Variants in CS observed in about 807,000 individuals in gnomAD.
The protein encoded by CS is citrate synthase.
A neutral mutation model predicts 61.4 loss-of-function variants in CS; 13 were observed. The observed-to-expected ratio is 0.21, with a 90% CI of 0.14 to 0.34. CS has a LOEUF of 0.34. Among genes scored for constraint, CS ranks in the 10% least tolerant of loss-of-function variants. The pLI is 1.00. For missense variants in CS, 278 were observed against 573.4 expected (o/e 0.48, Z 5.26); for synonymous variants, 159 against 215.2 (o/e 0.74, Z 2.29).
At chr12:56,298,997 ACAC>A (rs1873394168) in intron 1 of CS, among the ~76,000 whole-genome samples, 1 of 151,834 alleles carries the variant, frequency 6.6e-6, no homozygotes, top group Non-Finnish European at 1.5e-5. Context: ...AGCCTTGGTC[ACAC>A]CACAAGACTC....
chr12:56,294,079 G>A (rs1873219593), intron 1 of CS, among the ~76,000 whole-genome samples: 1 of 152,196 alleles, frequency 6.6e-6, no homozygotes, highest in African/African-American at 2.4e-5. Flanking sequence ...AAAAGCCTGA[G>A]CAATCTACAG....
At chr12:56,289,261 CATGTTA>C (rs1873038633) in intron 1 of CS, among the ~76,000 whole-genome samples, 2 of 152,082 alleles carry the variant, frequency 1.3e-5, no homozygotes, top group South Asian at 4.1e-4. Context: ...GCAAAGAAAA[CATGTTA>C]ATAAGTTCAA....
chr12:56,276,296 G>A, intron 6 of CS, 101 bp from the exon 7 acceptor site: 6 of 1,070,850 alleles, frequency 5.6e-6, no homozygotes, highest in Non-Finnish European at 8.4e-6. Context: ...GGCTATTTGG[G>A]TTGATGGTTA....
intron 9 of CS, 43 bp downstream of exon 9, chr12:56,274,734 T>C (rs757047502): frequency 8.5e-6 from 12 of 1,415,978 alleles, no homozygotes; most frequent in Non-Finnish European, 1.1e-5. Flanking sequence ...TTGCAGAACT[T>C]GTGTCTTGGT....
rs1872548501 is a variant in CS, at chr12:56,272,881, C to T, written c.*203G>A. On this transcript the variant is annotated 3_prime_UTR_variant, in exon 11 of 11. Transcript: ENST00000351328. ...CATGCGTATGATGGGCAACTCATAC[C>T]AGGCAGGGGAAGGGAGCTGATTAGG... 2 of 525,212 alleles carry T rather than the reference C, an allele frequency of 3.8e-6. No homozygotes were observed. Among genetic ancestry groups the T allele is most frequent in the Non-Finnish European group, 6.7e-6 (2 of 296,428 alleles). 32.5% of individuals were successfully genotyped at this position (525,212 alleles called of 1,614,324 possible).
chr12:56,283,134 G>T, intron 4 of CS, 143 bp from the exon 5 acceptor site: 1 of 945,880 alleles, frequency 1.1e-6, no homozygotes, highest in Non-Finnish European at 1.6e-6. Context: ...GTCTTGCTAT[G>T]TTGCTCAGAC....
In CS at chr12:56,300,206, G is replaced by A. The variant is rs954659226; in HGVS notation, c.-5C>T. The A allele has an allele frequency of 6.4e-6, 10 of 1,564,340 alleles. No individual in the cohort carries two copies. In the African/African-American group the frequency reaches 8.2e-5, roughly 13 times the overall value. On this transcript the variant is annotated 5_prime_UTR_variant, in exon 1 of 11. Transcript: ENST00000351328. The stretch of plus-strand genomic sequence containing the variant: ...GGCCGCAGTAAGTAAAGCCATGGCG[G>A]GCGATCTCCGGGATCTGGTGGGGAG...
chr12:56,275,554 G>C (rs946861027), intron 7 of CS: 5 of 193,114 alleles, frequency 2.6e-5, no homozygotes, highest in Non-Finnish European at 5.1e-5. Context: ...CCTGGCGACA[G>C]AGCAAGACTC....
intron 9 of CS, 145 bp from the exon 10 acceptor site, chr12:56,273,941 C>A: frequency 1.5e-6 from 1 of 669,476 alleles, no homozygotes; most frequent in Non-Finnish European, 2.6e-6. Context: ...TCAGGCAATT[C>A]TCCCACTTCA....
chr12:56,280,304 ACTC>A (rs1020489421), intron 6 of CS, among the ~76,000 whole-genome samples: 5 of 150,932 alleles, frequency 3.3e-5, no homozygotes, highest in African/African-American at 1.2e-4. Flanking sequence ...AATCCTAACT[ACTC>A]GGGAGGCTGA....
chr12:56,273,544 G>T (rs1255970134), intron 10 of CS, 43 bp downstream of exon 10: 2 of 1,583,120 alleles, frequency 1.3e-6, no homozygotes, highest in Non-Finnish European at 1.7e-6. Flanking sequence ...TAACAATAGG[G>T]TTTGGTACAA....
intron 3 of CS, 99 bp from the exon 4 acceptor site, chr12:56,283,956 G>A: frequency 1.2e-6 from 1 of 841,594 alleles, no homozygotes; most frequent in South Asian, 1.5e-5. Context: ...GGATCTGGGA[G>A]AGAAAATTTA....
In CS at chr12:56,282,870, G is replaced by C. The variant is rs769504830; in HGVS notation, c.389C>G (p.Thr130Arg). ...ATCCTTCTGCTTTACCTGTTCCTCTGTTGGGATATGTCCAGTTACCAGCAG... is the reference window on the plus strand; with the variant it reads ...ATCCTTCTGCTTTACCTGTTCCTCTCTTGGGATATGTCCAGTTACCAGCAG... ...FWLLVTGHIP[T>R]EEQVSWLSKE... The change falls in exon 5 of 11, where the codon ACA becomes AGA. Residue 130 changes from threonine to arginine, a missense_variant. By Grantham distance (71) the Thr-to-Arg change is moderately conservative. This residue lies in a region of CS where 223 missense variants were observed against 503.5 expected (regional missense o/e 0.44). Coordinates refer to ENST00000351328, the MANE Select transcript of CS (RefSeq NM_004077.3). The C allele has an allele frequency of 6.2e-7, 1 of 1,614,206 alleles. No individual in the cohort carries two copies. The highest frequency in any genetic ancestry group is 8.5e-7 in the Non-Finnish European group (1 of 1,180,046).
chr12:56,280,301 A>C (rs749600541), intron 6 of CS, among the ~76,000 whole-genome samples: 4 of 146,312 alleles, frequency 2.7e-5, no homozygotes, highest in Non-Finnish European at 6.1e-5. Context: ...TGTAATCCTA[A>C]CTACTCGGGA....
At chr12:56,294,090 A>G (rs1029667487) in intron 1 of CS, among the ~76,000 whole-genome samples, 1 of 152,160 alleles carries the variant, frequency 6.6e-6, no homozygotes, top group African/African-American at 2.4e-5. Context: ...CAATCTACAG[A>G]TTTCATACTT....
intron 2 of CS, 141 bp from the exon 3 acceptor site, chr12:56,286,164 G>T: frequency 1.6e-6 from 1 of 641,698 alleles, no homozygotes. Context: ...CACAAATGAG[G>T]GTAAAAGAAT....
Position 56,274,927 on chromosome 12 carries a change from A to G in CS, c.919-49T>C, listed in dbSNP as rs746683451. ...AGGGAATGTTAATACATATGCCAGAAGAGAATGCCAAGATCAGAAACAAAG... is the reference window on the plus strand; with the variant it reads ...AGGGAATGTTAATACATATGCCAGAGGAGAATGCCAAGATCAGAAACAAAG... On this transcript the variant is annotated intron_variant, in intron 8 of 10. Transcript: ENST00000351328. 7 of 1,608,060 alleles carry G rather than the reference A, an allele frequency of 4.4e-6. No homozygotes were observed. In the African/African-American group the frequency reaches 8.0e-5, roughly 18 times the overall value.
intron 6 of CS, among the ~76,000 whole-genome samples, chr12:56,279,325 A>G (rs1357579003): frequency 6.6e-6 from 1 of 152,186 alleles, no homozygotes; most frequent in East Asian, 1.9e-4. Flanking sequence ...CTTAAGGTAT[A>G]TGTAAAAACA....
At chr12:56,294,175 G>T (rs185448030) in intron 1 of CS, among the ~76,000 whole-genome samples, 1 of 152,128 alleles carries the variant, frequency 6.6e-6, no homozygotes, top group African/African-American at 2.4e-5. Flanking sequence ...CTCTTCACGT[G>T]AATAGTCACC....
Sources: gnomAD v4.1 joint callset for allele counts (sites outside exome capture counted in the v4.1 genomes callset) on GRCh38, gnomAD v4.1.1 for gene constraint, gnomAD v4.1.1 regional missense constraint, MANE v1.5 for transcripts, NCBI Gene and HGNC (gene_info 2026-07-23, HGNC 2026-07-21) for gene names.